The following DDX31 variants were observed in gnomAD, a reference collection of about 807,000 sequenced individuals.
DDX31 encodes the protein ATP-dependent DNA helicase DDX31.
In DDX31, 70 loss-of-function variants were observed where a neutral mutation model predicts 91.3. The observed-to-expected ratio is 0.77, with a 90% CI of 0.63 to 0.94. The LOEUF (loss-of-function observed/expected upper bound fraction) is 0.94, where lower values mean the gene tolerates loss of function less well. Among genes scored for constraint, DDX31 ranks in the 40% least tolerant of loss-of-function variants. The pLI is 0.00. For synonymous variants in DDX31, 362 were observed against 350.6 expected, an observed-to-expected ratio of 1.03 and a Z score of -0.36; for missense variants, 902 against 925.0, an observed-to-expected ratio of 0.98 and a Z score of 0.32.
Position 132,645,951 on chromosome 9 carries a change from G to A in DDX31, c.1324C>T (p.Pro442Ser). ...SSGAPASGQL[P>S]SASMRLKFLR... Reference sequence around the variant, plus strand: ...AATTTTAATCGCATGGAGGCAGATGGCAACTGCCCTGATGCCGGCGCCCCT... The same window carrying A: ...AATTTTAATCGCATGGAGGCAGATGACAACTGCCCTGATGCCGGCGCCCCT... Residue 442 changes from proline to serine, a missense_variant, in exon 13 of 20, where the codon CCA (proline) becomes TCA (serine). By Grantham distance (74) the Pro-to-Ser change is moderately conservative. Coordinates refer to ENST00000372159, the MANE Select transcript of DDX31 (RefSeq NM_022779.9). 6.2e-7 allele frequency: 1 copy of A among 1,613,890 alleles called. No individual in the cohort carries two copies. Among genetic ancestry groups the A allele is most frequent in the Non-Finnish European group, 8.5e-7 (1 of 1,179,908 alleles).
intron 18 of DDX31, among the ~76,000 whole-genome samples, chr9:132,615,537 GA>G (rs2119337490): frequency 6.6e-6 from 1 of 152,338 alleles, no homozygotes; most frequent in East Asian, 1.9e-4. Context: ...GAGGGGAGAA[GA>G]ATGACTTGTC....
chr9:132,595,432 T>C lies in DDX31; in HGVS notation c.1995-320A>G, dbSNP rs1383822219. ...CAAATGAGGTGTATGATACAGCGGTTTGCCAAAGGACAGGGAAAAACCCAC... is the reference window on the plus strand; with the variant it reads ...CAAATGAGGTGTATGATACAGCGGTCTGCCAAAGGACAGGGAAAAACCCAC... On this transcript the variant is annotated intron_variant, in intron 19 of 19. Transcript: ENST00000372159. This position sits in a 1 kb window ranked among gnomAD's most constrained non-coding sequence, Gnocchi z 4.6. 6.6e-6 allele frequency among the ~76,000 whole-genome samples: 1 copy of C among 152,176 alleles called. No homozygotes were observed. Among genetic ancestry groups the C allele is most frequent in the Non-Finnish European group, 1.5e-5 (1 of 68,032 alleles).
rs572417063 is a variant in DDX31 at position 132,649,856 on chromosome 9, T to C, written c.740+378A>G. Among the ~76,000 whole-genome samples, 9 of 152,332 alleles carry C rather than the reference T, an allele frequency of 5.9e-5. No homozygotes were observed. In the South Asian group the frequency reaches 1.5e-3, roughly 25 times the overall value. ...GTAAAAAGCAAGTTACAAAGCATTA[T>C]ATAAGTGAATGATCTTGTTTTTGTA... On this transcript the variant is annotated intron_variant, in intron 9 of 19. Transcript: ENST00000372159.
intron 13 of DDX31, among the ~76,000 whole-genome samples, chr9:132,642,439 G>A (rs1833562008): frequency 6.6e-6 from 1 of 152,092 alleles, no homozygotes; most frequent in Non-Finnish European, 1.5e-5. Flanking sequence ...AAGGAATAAA[G>A]AATAACCAAC....
At chr9:132,662,831 G>C (rs1405457140) in intron 1 of DDX31, 136 bp from the exon 2 acceptor site, 2 of 1,226,928 alleles carry the variant, frequency 1.6e-6, no homozygotes, top group Non-Finnish European at 2.2e-6. Context: ...TCAAGCAACA[G>C]TTTAGGGTTT....
intron 19 of DDX31, among the ~76,000 whole-genome samples, chr9:132,608,552 T>C (rs189621173): frequency 2.0e-5 from 3 of 152,272 alleles, no homozygotes; most frequent in East Asian, 3.9e-4. Flanking sequence ...AGCTCCCGCT[T>C]GGCATATGAC....
Position 132,632,241 on chromosome 9 carries a change from TACACACAC to T in DDX31, c.1441-158_1441-151del, listed in dbSNP as rs57020423. On this transcript the variant is annotated intron_variant, in intron 14 of 19. Transcript: ENST00000372159. ...CATACACGTATATGCCCAGTACGTG[TACACACAC>T]ACACACACACACACACACACACACA... The T allele has an allele frequency of 5.8e-4, 55 of 94,146 alleles. 1 individual carries two copies. Among genetic ancestry groups the T allele is most frequent in the Middle Eastern group, 3.4e-3 (1 of 290 alleles). The allele number at this position is 94,146 out of a possible 1,614,324, so 5.8% of individuals were successfully genotyped here. A position where few individuals can be genotyped will look rare whatever the true frequency, so the allele number is the denominator to read the frequency against.
Position 132,653,494 on chromosome 9 carries a change from C to CAA in DDX31, c.589-1004_589-1003dup, listed in dbSNP as rs71376648. Reference sequence around the variant, plus strand: ...GGGCAACAAGTGAAAAACTCAGTCTCAAAAAAAAAAAAAAAAAAAAAAAAA... The same window carrying CAA: ...GGGCAACAAGTGAAAAACTCAGTCTCAAAAAAAAAAAAAAAAAAAAAAAAAAA... On this transcript the variant is annotated intron_variant, in intron 6 of 19. Transcript: ENST00000372159. Among the ~76,000 whole-genome samples, 34 of 20,624 alleles carry CAA rather than the reference C, an allele frequency of 1.6e-3. 1 individual carries two copies. The highest frequency in any genetic ancestry group is 2.5e-3 in the African/African-American group (28 of 11,242). The allele number at this position is 20,624 out of a possible 152,430, so 13.5% of individuals were successfully genotyped here.
In DDX31 at chr9:132,646,012, G is replaced by T; in HGVS notation, c.1263C>A (p.His421Gln). 2.5e-6 allele frequency: 4 copies of T among 1,614,124 alleles called. No homozygotes were observed. The highest frequency in any genetic ancestry group is 3.4e-6 in the Non-Finnish European group (4 of 1,180,020). ...FFSSCELVEF[H>Q]YSLFLQTLLS... ...GCAGGGTCTGTAGGAAGAGGCTGTAGTGGAACTCCACCAGCTCGCAACTTG... is the reference window on the plus strand; with the variant it reads ...GCAGGGTCTGTAGGAAGAGGCTGTATTGGAACTCCACCAGCTCGCAACTTG... The change falls in exon 13 of 20, where the codon CAC becomes CAA. Residue 421 changes from histidine (H) to glutamine (Q), a missense_variant. His to Gln is a conservative substitution (Grantham distance 24). Transcript: ENST00000372159.
intron 12 of DDX31, 84 bp downstream of exon 12, chr9:132,646,739 C>T: frequency 7.3e-7 from 1 of 1,371,016 alleles, no homozygotes; most frequent in South Asian, 1.2e-5. Context: ...TTTTTGGTGT[C>T]TCAACTCATT....
chr9:132,643,487 C>T (rs1439052559), intron 13 of DDX31, among the ~76,000 whole-genome samples: 1 of 152,210 alleles, frequency 6.6e-6, no homozygotes, highest in East Asian at 1.9e-4. Context: ...GCTGGAAGCC[C>T]GGGGCACACC....
chr9:132,662,270 G>T lies in DDX31; in HGVS notation c.399C>A (p.His133Gln), dbSNP rs750175648. ...ACTGAAAGGTACTTACTAAATGTGG[G>T]TGGAGGCCCAGCTCATGAAAAGCAG... ...TSAAFHELGL[H>Q]PHLISTINTV... Residue 133 changes from histidine (H) to glutamine (Q), a missense_variant, in exon 3 of 20, where the codon CAC becomes CAA. By Grantham distance (24) the His-to-Gln change is conservative. Transcript: ENST00000372159. 6.2e-7 allele frequency: 1 copy of T among 1,614,194 alleles called. No homozygotes were observed. Among genetic ancestry groups the T allele is most frequent in the East Asian group, 2.2e-5 (1 of 44,892 alleles).
chr9:132,668,860 G>GC (rs1835502734), intron 1 of DDX31, among the ~76,000 whole-genome samples: 2 of 152,176 alleles, frequency 1.3e-5, no homozygotes, highest in Admixed American at 6.5e-5. Context: ...GAGCCACCGC[G>GC]CCCGGCCGCG....
At chr9:132,649,316 A>C (rs1834035309) in intron 9 of DDX31, among the ~76,000 whole-genome samples, 1 of 150,042 alleles carries the variant, frequency 6.7e-6, no homozygotes, top group African/African-American at 2.5e-5. Context: ...ATAAAAGGTA[A>C]AGGGAACACG....
chr9:132,597,651 G>A (rs189133347), intron 19 of DDX31, among the ~76,000 whole-genome samples: 44 of 152,306 alleles, frequency 2.9e-4, no homozygotes, highest in African/African-American at 9.6e-4. Flanking sequence ...CGGGCTGCGG[G>A]AGCATCTTCC....
chr9:132,655,548 T>C (rs1210063792), intron 6 of DDX31, among the ~76,000 whole-genome samples: 1 of 152,228 alleles, frequency 6.6e-6, no homozygotes, highest in Non-Finnish European at 1.5e-5. Flanking sequence ...CCATGGCATC[T>C]TGAGAAGCAA....
At chr9:132,644,686 G>A (rs1455033514) in intron 13 of DDX31, among the ~76,000 whole-genome samples, 1 of 152,170 alleles carries the variant, frequency 6.6e-6, no homozygotes, top group Non-Finnish European at 1.5e-5. Flanking sequence ...CGCTTGGATC[G>A]ACGCCGCAGA....
chr9:132,662,351 C>T lies in DDX31; in HGVS notation c.333-15G>A, dbSNP rs45469192. On this transcript the variant is annotated splice_polypyrimidine_tract_variant and intron_variant, in intron 2 of 19. Transcript: ENST00000372159. Reference sequence around the variant, plus strand: ...TTACCACAGGTCTGCAAATGATGAACAAGAACCCAGGCATCAGTGCCAATA... The same window carrying T: ...TTACCACAGGTCTGCAAATGATGAATAAGAACCCAGGCATCAGTGCCAATA... 4,018 of 1,614,196 alleles carry T rather than the reference C, an allele frequency of 2.5e-3. 5 individuals carry two copies. Among genetic ancestry groups the T allele is most frequent in the Non-Finnish European group, 3.1e-3 (3,651 of 1,180,028 alleles).
intron 1 of DDX31, among the ~76,000 whole-genome samples, chr9:132,664,292 G>A (rs1357191308): frequency 6.6e-6 from 1 of 152,034 alleles, no homozygotes; most frequent in Admixed American, 6.6e-5. Flanking sequence ...ATTTCAAACA[G>A]GACACAACTT....
Sources: gnomAD v4.1 joint callset for allele counts (sites outside exome capture counted in the v4.1 genomes callset) on GRCh38, gnomAD v4.1.1 for gene constraint, Gnocchi (gnomAD v3.1) non-coding constraint, MANE v1.5 for transcripts, NCBI Gene and HGNC (gene_info 2026-07-23, HGNC 2026-07-21) for gene names.